TIMP2: variants seen among roughly 807,000 people sequenced by gnomAD.
TIMP2 encodes metalloproteinase inhibitor 2.
TIMP2 carries 5 observed loss-of-function variants against 24.3 expected under a neutral mutation model. The observed-to-expected ratio is 0.21, with a 90% CI of 0.11 to 0.43. TIMP2 has a LOEUF of 0.43. TIMP2 is among the 20% of genes least tolerant of loss of function. The probability of loss-of-function intolerance (pLI) is 1.00; values close to 1 mark genes in which losing one functional copy is unlikely to be tolerated. For synonymous variants in TIMP2, 130 were observed against 123.2 expected, an observed-to-expected ratio of 1.06 and a Z score of -0.37; for missense variants, 221 against 297.5, an observed-to-expected ratio of 0.74 and a Z score of 1.89.
At chr17:78,895,788 T>G (rs1319127605) in intron 1 of TIMP2, among the ~76,000 whole-genome samples, 1 of 152,072 alleles carries the variant, frequency 6.6e-6, no homozygotes, top group Non-Finnish European at 1.5e-5. Flanking sequence ...AGGTCGGGGC[T>G]GCTGTGAATG....
At chr17:78,918,498 G>C (rs145761171) in intron 1 of TIMP2, among the ~76,000 whole-genome samples, 1 of 152,158 alleles carries the variant, frequency 6.6e-6, no homozygotes, top group Non-Finnish European at 1.5e-5. Context: ...CTGCCACTCT[G>C]AGACATCCAT....
chr17:78,906,657 A>G (rs942530719), intron 1 of TIMP2, among the ~76,000 whole-genome samples: 1 of 151,856 alleles, frequency 6.6e-6, no homozygotes, highest in African/African-American at 2.4e-5. Context: ...ATCTCGGCTC[A>G]CTGCAACCTC....
chr17:78,871,584 C>T (rs978057088), intron 2 of TIMP2, among the ~76,000 whole-genome samples: 2 of 151,734 alleles, frequency 1.3e-5, no homozygotes. Flanking sequence ...AAGTGGCTCA[C>T]ACCAGTAATC....
chr17:78,860,495 G>A (rs917181299), intron 3 of TIMP2, among the ~76,000 whole-genome samples: 4 of 152,190 alleles, frequency 2.6e-5, no homozygotes, highest in Non-Finnish European at 5.9e-5. Flanking sequence ...GCTTGCCTGG[G>A]GCTCCAAGCA....
chr17:78,911,894 CAAAAAA>C lies in TIMP2; in HGVS notation c.130+13059_130+13064del, dbSNP rs60505603. The stretch of plus-strand genomic sequence containing the variant: ...AACCCTATCTCTACTAAAAACACAC[CAAAAAA>C]AAAAAAAAAAAAATTGAACTGGGCA... On this transcript the variant is annotated intron_variant, in intron 1 of 4. Coordinates refer to ENST00000262768, the MANE Select transcript of TIMP2 (RefSeq NM_003255.5). Among the ~76,000 whole-genome samples, 10 of 112,098 alleles carry C rather than the reference CAAAAAA, an allele frequency of 8.9e-5. No homozygotes were observed. In the South Asian group the frequency reaches 1.2e-3, roughly 14 times the overall value. The allele number at this position is 112,098 out of a possible 152,430, so 73.5% of individuals were successfully genotyped here. A position where few individuals can be genotyped will look rare whatever the true frequency, so the allele number is the denominator to read the frequency against.
Position 78,876,346 on chromosome 17 carries a change from GTTTC to G in TIMP2, c.131-2431_131-2428del, listed in dbSNP as rs559951942. ...TGCATCCACACCTCTGAACAGACAA[GTTTC>G]TTTCTTTCTTTTTTTTTTAGACAGA... On this transcript the variant is annotated intron_variant, in intron 1 of 4. Transcript: ENST00000262768. 9.9e-5 allele frequency among the ~76,000 whole-genome samples: 15 copies of G among 152,088 alleles called. No homozygotes were observed. The East Asian group carries it at 1.4e-3, about 14-fold the overall frequency.
At chr17:78,863,261 G>C (rs552671054) in intron 3 of TIMP2, among the ~76,000 whole-genome samples, 1 of 151,850 alleles carries the variant, frequency 6.6e-6, no homozygotes, top group South Asian at 2.1e-4. Context: ...TTTTTGGGTG[G>C]GGGGACAGTC....
chr17:78,863,523 T>C (rs1330701586), intron 3 of TIMP2, among the ~76,000 whole-genome samples: 4 of 152,314 alleles, frequency 2.6e-5, no homozygotes, highest in Non-Finnish European at 4.4e-5. Flanking sequence ...ATCACAGGCG[T>C]CAGCCACTGC....
intron 3 of TIMP2, among the ~76,000 whole-genome samples, chr17:78,866,493 A>G (rs2069618726): frequency 6.6e-6 from 1 of 151,558 alleles, no homozygotes; most frequent in Admixed American, 6.6e-5. Flanking sequence ...GTTAAACCTA[A>G]AGTCACCCAA....
intron 1 of TIMP2, chr17:78,899,766 G>A (rs8071566): frequency 0.95 from 145,145 of 152,274 alleles, 69,181 homozygotes; most frequent in South Asian, 0.97. Flanking sequence ...CATCCTACCC[G>A]CATGTCCCCA....
At chr17:78,921,511 T>C (rs114878392) in intron 1 of TIMP2, among the ~76,000 whole-genome samples, 2,628 of 152,310 alleles carry the variant, frequency 0.017, 38 homozygotes, top group East Asian at 0.06. Context: ...GTCTGCCAAG[T>C]AGCTCAGCTG....
chr17:78,867,413 AGGGAG>A, intron 3 of TIMP2, among the ~76,000 whole-genome samples: 1 of 152,026 alleles, frequency 6.6e-6, no homozygotes, highest in East Asian at 1.9e-4. Flanking sequence ...ATGTTAAGGA[AGGGAG>A]GGAAGATCTT....
intron 1 of TIMP2, among the ~76,000 whole-genome samples, chr17:78,918,206 T>C (rs116323575): frequency 1.4e-3 from 210 of 152,246 alleles, no homozygotes; most frequent in African/African-American, 4.9e-3. Context: ...TTATAAAGAC[T>C]GTTCCTCAAT....
rs1275375253 is a variant in TIMP2, at chr17:78,891,406, C to T, written c.131-17487G>A. 6.4e-7 allele frequency: 1 copy of T among 1,550,620 alleles called. No homozygotes were observed. The highest frequency in any genetic ancestry group is 8.7e-7 in the Non-Finnish European group (1 of 1,147,044). On this transcript the variant is annotated intron_variant, in intron 1 of 4. Coordinates refer to ENST00000262768, the MANE Select transcript of TIMP2 (RefSeq NM_003255.5). This position sits in a 1 kb window ranked among gnomAD's most constrained non-coding sequence, Gnocchi z 4.5. ...CCCCAGGTCTCTGGTCCATCCTGGG[C>T]TTCAGTGCCAGGTACAAGCACAGGT...
chr17:78,860,980 G>C (rs1285917373), intron 3 of TIMP2, among the ~76,000 whole-genome samples: 2 of 150,542 alleles, frequency 1.3e-5, no homozygotes, highest in Non-Finnish European at 2.9e-5. Context: ...AAGTTACAAA[G>C]AGCCAAGATC....
At chr17:78,906,659 T>C (rs1656030722) in intron 1 of TIMP2, among the ~76,000 whole-genome samples, 1 of 152,134 alleles carries the variant, frequency 6.6e-6, no homozygotes, top group Admixed American at 6.5e-5. Context: ...CTCGGCTCAC[T>C]GCAACCTCCA....
At chr17:78,875,103 C>T (rs1416403871) in intron 1 of TIMP2, among the ~76,000 whole-genome samples, 1 of 152,114 alleles carries the variant, frequency 6.6e-6, no homozygotes, top group Non-Finnish European at 1.5e-5. Flanking sequence ...TTCTCGAACT[C>T]CTGACTTCAA....
chr17:78,873,716 A>G, intron 2 of TIMP2, 103 bp downstream of exon 2: 1 of 861,480 alleles, frequency 1.2e-6, no homozygotes, highest in Non-Finnish European at 1.9e-6. Flanking sequence ...GCTCTAGTCC[A>G]CAGGTGGCCA....
At position 78,855,459 on chromosome 17, in the gene TIMP2, A is replaced by C. The variant is rs2069517467; in HGVS notation, c.*208T>G. On this transcript the variant is annotated 3_prime_UTR_variant, in exon 5 of 5. Transcript: ENST00000262768. This position sits in a 1 kb window ranked among gnomAD's most constrained non-coding sequence, Gnocchi z 6.0. ...CAGACACATAGTGCCTGGCAGAGGG[A>C]GGATGGGATGAGGACCTTGGACCCA... 2 of 610,566 alleles carry C rather than the reference A, an allele frequency of 3.3e-6. No homozygotes were observed. Among genetic ancestry groups the C allele is most frequent in the South Asian group, 4.0e-5 (2 of 49,794 alleles). The allele number at this position is 610,566 out of a possible 1,614,324, so 37.8% of individuals were successfully genotyped here.
Sources: allele counts gnomAD v4.1 joint callset (sites outside exome capture counted in the v4.1 genomes callset), GRCh38; gene constraint gnomAD v4.1.1; non-coding constraint Gnocchi (gnomAD v3.1); transcripts MANE v1.5; gene names NCBI Gene and HGNC (gene_info 2026-07-23, HGNC 2026-07-21).